The following ELMOD1 variants were observed in gnomAD, a reference collection of about 807,000 sequenced individuals.
ELMOD1 encodes ELMO domain containing 1, also known as ELMO domain-containing protein 1.
In ELMOD1, 21 loss-of-function variants were observed where a neutral mutation model predicts 46.7. That is an observed-to-expected ratio of 0.45 (90% CI 0.32 to 0.65). The LOEUF is 0.65. Ranked by LOEUF, ELMOD1 falls within the 30% of genes least tolerant of loss-of-function variation. The pLI, the probability that ELMOD1 is intolerant of heterozygous loss-of-function variation, is 0.04. For missense variants in ELMOD1, 348 were observed against 407.8 expected (o/e 0.85, Z 1.26); for synonymous variants, 122 against 138.2 (o/e 0.88, Z 0.82).
intron 1 of ELMOD1, among the ~76,000 whole-genome samples, chr11:107,616,316 T>TC (rs1275121516): frequency 1.3e-4 from 20 of 151,672 alleles, no homozygotes; most frequent in African/African-American, 4.4e-4. Context: ...TATTCTTTTT[T>TC]CCCCTATCCA....
chr11:107,630,155 G>A (rs554105557), intron 2 of ELMOD1, among the ~76,000 whole-genome samples: 1 of 152,142 alleles, frequency 6.6e-6, no homozygotes, highest in East Asian at 1.9e-4. Flanking sequence ...GGCAAAGGAG[G>A]GAAAAGAAAA....
At chr11:107,619,187 T>A (rs1002512173) in intron 2 of ELMOD1, among the ~76,000 whole-genome samples, 1 of 152,204 alleles carries the variant, frequency 6.6e-6, no homozygotes, top group African/African-American at 2.4e-5. Context: ...TTCACTGGGT[T>A]TTGATGCAGC....
chr11:107,595,491 T>A (rs929154862), intron 1 of ELMOD1, among the ~76,000 whole-genome samples: 5 of 152,168 alleles, frequency 3.3e-5, no homozygotes, highest in South Asian at 2.1e-4. Flanking sequence ...AGGCCATAGG[T>A]TTTGTTTTCA....
At chr11:107,618,601 T>C (rs1443318072) in intron 2 of ELMOD1, among the ~76,000 whole-genome samples, 1 of 152,222 alleles carries the variant, frequency 6.6e-6, no homozygotes, top group Non-Finnish European at 1.5e-5. Context: ...TCCTTTAATT[T>C]AGATTTTGGT....
rs947106348 is a variant in ELMOD1 at position 107,666,349 on chromosome 11, G to A, written c.*1152G>A. ...ACACCCTGGCACTGTTCTGATCCAA[G>A]CATATTTGCTTGGGGAACTAAGTGC... On this transcript the variant is annotated 3_prime_UTR_variant, in exon 12 of 12. Transcript: ENST00000265840. The A allele has an allele frequency of 6.6e-6, 1 of 152,192 alleles. No individual in the cohort carries two copies. The highest frequency in any genetic ancestry group is 2.4e-5 in the African/African-American group (1 of 41,450). 9.4% of individuals were successfully genotyped at this position (152,192 alleles called of 1,614,324 possible). A position where few individuals can be genotyped will look rare whatever the true frequency, so the allele number is the denominator to read the frequency against.
chr11:107,654,803 GTTTTC>G (rs546870018), intron 10 of ELMOD1, among the ~76,000 whole-genome samples: 88 of 151,072 alleles, frequency 5.8e-4, no homozygotes, highest in African/African-American at 1.8e-3. Context: ...GTGTTTGGTA[GTTTTC>G]TTTTAAGGAT....
At chr11:107,621,441 A>G (rs972090865) in intron 2 of ELMOD1, among the ~76,000 whole-genome samples, 5 of 152,262 alleles carry the variant, frequency 3.3e-5, no homozygotes, top group South Asian at 4.1e-4. Flanking sequence ...TTTTTAAGTC[A>G]TTCATACTTG....
At position 107,656,151 on chromosome 11, in the gene ELMOD1, G is replaced by A. The variant is rs1003094312; in HGVS notation, c.832+85G>A. The A allele has an allele frequency of 4.9e-6, 7 of 1,418,014 alleles. No homozygotes were observed. The African/African-American group carries it at 8.6e-5, about 17-fold the overall frequency. The allele number at this position is 1,418,014 out of a possible 1,614,324, so 87.8% of individuals were successfully genotyped here. On this transcript the variant is annotated intron_variant, in intron 11 of 11. Coordinates refer to ENST00000265840, the MANE Select transcript of ELMOD1 (RefSeq NM_018712.4). ...CCCTGTAATCCCAGCACTTTGGGAGGCCAAGGCGAGTGGATTGCCTGAGCT... is the reference window on the plus strand; with the variant it reads ...CCCTGTAATCCCAGCACTTTGGGAGACCAAGGCGAGTGGATTGCCTGAGCT...
intron 7 of ELMOD1, among the ~76,000 whole-genome samples, 174 bp from the exon 8 acceptor site, chr11:107,650,161 A>G (rs908503608): frequency 1.3e-5 from 2 of 152,214 alleles, no homozygotes; most frequent in African/African-American, 4.8e-5. Context: ...ATGTCATTAC[A>G]TTTGGAAAAT....
chr11:107,646,703 C>T (rs1866431878), intron 6 of ELMOD1, among the ~76,000 whole-genome samples: 2 of 151,964 alleles, frequency 1.3e-5, no homozygotes, highest in South Asian at 4.2e-4. Context: ...CCACAGCACT[C>T]CAGCCTGGGC....
At chr11:107,644,871 C>T (rs996912091) in intron 6 of ELMOD1, among the ~76,000 whole-genome samples, 5 of 151,728 alleles carry the variant, frequency 3.3e-5, no homozygotes, top group African/African-American at 4.8e-5. Flanking sequence ...CCCTTTTTTC[C>T]CTTCATTGTG....
intron 1 of ELMOD1, among the ~76,000 whole-genome samples, chr11:107,609,015 C>T (rs1406862906): frequency 6.6e-6 from 1 of 152,192 alleles, no homozygotes; most frequent in African/African-American, 2.4e-5. Context: ...ATCTCTGCCA[C>T]ATCCTATTTG....
intron 1 of ELMOD1, among the ~76,000 whole-genome samples, chr11:107,601,783 C>G (rs1336209780): frequency 6.6e-6 from 1 of 152,056 alleles, no homozygotes; most frequent in Non-Finnish European, 1.5e-5. Flanking sequence ...ATCCCCAAAC[C>G]AACAGAGTTG....
intron 1 of ELMOD1, among the ~76,000 whole-genome samples, chr11:107,610,595 A>G (rs602788): frequency 0.63 from 94,309 of 150,688 alleles, 30,681 homozygotes; most frequent in East Asian, 0.81. Flanking sequence ...ACCGGGAGGC[A>G]GAGGTTGCAG....
At chr11:107,664,643 G>A (rs1866809186) in intron 11 of ELMOD1, among the ~76,000 whole-genome samples, 1 of 152,174 alleles carries the variant, frequency 6.6e-6, no homozygotes, top group African/African-American at 2.4e-5. Flanking sequence ...TAAAGTCCGA[G>A]TGGAGTGATT....
At chr11:107,608,061 C>T (rs988307940) in intron 1 of ELMOD1, among the ~76,000 whole-genome samples, 3 of 149,764 alleles carry the variant, frequency 2.0e-5, no homozygotes, top group Non-Finnish European at 3.0e-5. Context: ...AAAACTTTGC[C>T]TAAACTTTCT....
At chr11:107,651,796 C>T (rs918532869) in intron 9 of ELMOD1, among the ~76,000 whole-genome samples, 4 of 152,160 alleles carry the variant, frequency 2.6e-5, no homozygotes, top group African/African-American at 9.7e-5. Flanking sequence ...GAACATCAGT[C>T]AGAAGACACG....
At chr11:107,623,941 C>T (rs950315991) in intron 2 of ELMOD1, 1 of 152,088 alleles carries the variant, frequency 6.6e-6, no homozygotes, top group African/African-American at 2.4e-5. Flanking sequence ...TTTCATTTCC[C>T]CCCAACTTAT....
chr11:107,655,261 G>A (rs1422503720), intron 10 of ELMOD1, among the ~76,000 whole-genome samples: 1 of 152,110 alleles, frequency 6.6e-6, no homozygotes, highest in Non-Finnish European at 1.5e-5. Flanking sequence ...TATTATATGA[G>A]ATTACCATAA....
Sources: allele counts gnomAD v4.1 joint callset (sites outside exome capture counted in the v4.1 genomes callset), GRCh38; gene constraint gnomAD v4.1.1; transcripts MANE v1.5; gene names NCBI Gene and HGNC (gene_info 2026-07-23, HGNC 2026-07-21).